Variants in GRIP1 observed in about 807,000 individuals in gnomAD.
The protein encoded by GRIP1 is glutamate receptor-interacting protein 1.
Under a neutral mutation model 129.9 loss-of-function variants are expected in GRIP1, and 45 were observed. The ratio of observed to expected loss-of-function variants is 0.35; its 90% CI spans 0.27 to 0.44. The LOEUF (loss-of-function observed/expected upper bound fraction) is 0.44. Among genes scored for constraint, GRIP1 ranks in the 20% least tolerant of loss-of-function variants. The pLI is 1.00. For missense variants in GRIP1, 1,196 were observed against 1,396.8 expected (o/e 0.86, Z 2.29); for synonymous variants, 530 against 520.8 (o/e 1.02, Z -0.24).
intron 1 of GRIP1, among the ~76,000 whole-genome samples, chr12:67,024,518 G>T (rs1296357908): frequency 6.6e-6 from 1 of 152,100 alleles, no homozygotes; most frequent in African/African-American, 2.4e-5. Flanking sequence ...GATCCTAAAG[G>T]CCATTTGGCC....
rs574932583 is a variant in GRIP1, at chr12:66,685,867, C to CT, written c.-419-55532dup. ...ATTGTCTGCTGCTCCCTGCCCATGG[C>CT]TTTTTTTAAAACTGAGGGCAGGATT... On this transcript the variant is annotated intron_variant, in intron 1 of 4. Coordinates refer to the GRIP1 transcript ENST00000538373. 5.3e-5 allele frequency among the ~76,000 whole-genome samples: 8 copies of CT among 152,182 alleles called. No homozygotes were observed. In the South Asian group the frequency reaches 1.7e-3, roughly 32 times the overall value.
chr12:66,804,198 G>GT (rs2038937038), upstream of GRIP1: 1 of 452,812 alleles, frequency 2.2e-6, no homozygotes, highest in Admixed American at 2.4e-5. Context: ...CTTACTCACC[G>GT]TGCAGCGCGG....
Position 66,859,276 on chromosome 12 carries a change from CAAAA to C in GRIP1, c.58+209770_58+209773del, listed in dbSNP as rs1566054574. Among the ~76,000 whole-genome samples the C allele has an allele frequency of 2.3e-3, 25 of 10,906 alleles. No individual in the cohort carries two copies. The East Asian group carries it at 0.13, about 55-fold the overall frequency. The allele number at this position is 10,906 out of a possible 152,430, so 7.2% of individuals were successfully genotyped here. A position where few individuals can be genotyped will look rare whatever the true frequency, so the allele number is the denominator to read the frequency against. ...CATTTTCTGAAAAAAAACAAAAAAA[CAAAA>C]AAACAAAAAAACAAAAAAACAAAAA... On this transcript the variant is annotated intron_variant, in intron 1 of 1. Transcript: ENST00000643019.
chr12:66,865,262 A>G (rs2040183635), intron 1 of GRIP1, among the ~76,000 whole-genome samples: 1 of 152,158 alleles, frequency 6.6e-6, no homozygotes, highest in South Asian at 2.1e-4. Flanking sequence ...AGTTGGCTGT[A>G]TATTCTTAAG....
intron 1 of GRIP1, among the ~76,000 whole-genome samples, chr12:66,784,271 G>T (rs2038249155): frequency 6.6e-6 from 1 of 152,128 alleles, no homozygotes; most frequent in South Asian, 2.1e-4. Flanking sequence ...CTAATTGATA[G>T]GGCCTGCTTT....
intron 1 of GRIP1, among the ~76,000 whole-genome samples, chr12:66,787,067 C>T (rs1014980756): frequency 2.4e-4 from 37 of 152,126 alleles, no homozygotes; most frequent in African/African-American, 5.3e-4. Flanking sequence ...TTTAAATTTA[C>T]GCACAAGTAA....
intron 1 of GRIP1, among the ~76,000 whole-genome samples, chr12:66,873,343 A>C (rs557326031): frequency 6.6e-6 from 1 of 152,188 alleles, no homozygotes; most frequent in South Asian, 2.1e-4. Context: ...GTGAGGTGAG[A>C]GATACTGTTC....
chr12:66,563,942 T>C (rs12228240), intron 2 of GRIP1: 56,971 of 152,190 alleles, frequency 0.37, 10,840 homozygotes, highest in East Asian at 0.41. Flanking sequence ...GTATAAACTT[T>C]ACATTTCCTA....
At chr12:66,688,676 T>A (rs1329430091) in intron 1 of GRIP1, among the ~76,000 whole-genome samples, 1 of 151,722 alleles carries the variant, frequency 6.6e-6, no homozygotes, top group Non-Finnish European at 1.5e-5. Context: ...AAAAAAACAG[T>A]GCCTATTATT....
chr12:66,821,225 T>C (rs930903645), intron 1 of GRIP1, among the ~76,000 whole-genome samples: 18 of 152,350 alleles, frequency 1.2e-4, no homozygotes, highest in African/African-American at 3.4e-4. Context: ...CTAGTATATA[T>C]AGTAAAATTA....
At chr12:66,669,002 CT>C (rs2033938970) in intron 1 of GRIP1, among the ~76,000 whole-genome samples, 1 of 152,122 alleles carries the variant, frequency 6.6e-6, no homozygotes, top group African/African-American at 2.4e-5. Flanking sequence ...CTGGAGCTTT[CT>C]TTCCCCATGT....
intron 1 of GRIP1, among the ~76,000 whole-genome samples, chr12:66,865,622 T>G (rs374719367): frequency 4.6e-4 from 57 of 123,094 alleles, no homozygotes; most frequent in African/African-American, 1.6e-3. Flanking sequence ...CATCCATCCA[T>G]CCAACCATCC....
intron 11 of GRIP1, among the ~76,000 whole-genome samples, chr12:66,453,196 A>T (rs7316747): frequency 0.23 from 35,054 of 152,192 alleles, 4,528 homozygotes; most frequent in Middle Eastern, 0.42. Context: ...TTAAGATATG[A>T]AAATATCAAC....
At chr12:66,400,447 G>A (rs1223540460) in intron 16 of GRIP1, among the ~76,000 whole-genome samples, 1 of 152,146 alleles carries the variant, frequency 6.6e-6, no homozygotes, top group Non-Finnish European at 1.5e-5. Context: ...TCCAATCTGG[G>A]TTTAGGGGAA....
At chr12:66,996,865 CCTT>C (rs2042475014) in intron 1 of GRIP1, among the ~76,000 whole-genome samples, 1 of 152,092 alleles carries the variant, frequency 6.6e-6, no homozygotes, top group South Asian at 2.1e-4. Flanking sequence ...CTGAGGAAAA[CCTT>C]CTACACTTCC....
At chr12:67,067,796 A>G (rs1310963082) in intron 1 of GRIP1, among the ~76,000 whole-genome samples, 1 of 152,152 alleles carries the variant, frequency 6.6e-6, no homozygotes, top group Non-Finnish European at 1.5e-5. Context: ...CCAGCTCACC[A>G]AACTGCTGCA....
At chr12:66,550,106 C>G (rs948399999) in intron 2 of GRIP1, among the ~76,000 whole-genome samples, 2 of 152,086 alleles carry the variant, frequency 1.3e-5, no homozygotes, top group African/African-American at 4.8e-5. Context: ...GAGAATTGTT[C>G]CAATTTCTAC....
intron 9 of GRIP1, among the ~76,000 whole-genome samples, chr12:66,457,740 CA>C (rs2059009286): frequency 6.6e-6 from 1 of 152,070 alleles, no homozygotes; most frequent in South Asian, 2.1e-4. Flanking sequence ...TAGAATGAAA[CA>C]GGACATGAAA....
chr12:66,938,177 A>C (rs1847493), intron 1 of GRIP1, among the ~76,000 whole-genome samples: 15,955 of 152,124 alleles, frequency 0.1, 1,058 homozygotes, highest in East Asian at 0.3. Flanking sequence ...AGAGATCAAG[A>C]CCATCCTGGC....
Sources: allele counts gnomAD v4.1 joint callset (sites outside exome capture counted in the v4.1 genomes callset), GRCh38; gene constraint gnomAD v4.1.1; transcripts MANE v1.5; gene names NCBI Gene and HGNC (gene_info 2026-07-23, HGNC 2026-07-21).